The following ELMO1 variants were observed in gnomAD, a reference collection of about 807,000 sequenced individuals.
ELMO1 encodes the protein engulfment and cell motility 1.
Under a neutral mutation model 98.9 loss-of-function variants are expected in ELMO1, and 26 were observed. That is an observed-to-expected ratio of 0.26 (90% CI 0.19 to 0.36). The LOEUF is 0.36. ELMO1 is among the 10% of genes least tolerant of loss of function. The pLI, the probability that ELMO1 is intolerant of heterozygous loss-of-function variation, is 1.00. For synonymous variants in ELMO1, 346 were observed against 346.0 expected, an observed-to-expected ratio of 1.00 and a Z score of 0.00; for missense variants, 627 against 935.2, an observed-to-expected ratio of 0.67 and a Z score of 4.30.
rs181981473 is a variant in ELMO1 at position 36,913,767 on chromosome 7, A to T, written c.1438-18750T>A. Reference sequence around the variant, plus strand: ...AGTCCCTATGCTATAGTTTCTGGGTACTGCAGTTGTTTGCTGATCTACTGA... The same window carrying T: ...AGTCCCTATGCTATAGTTTCTGGGTTCTGCAGTTGTTTGCTGATCTACTGA... On this transcript the variant is annotated intron_variant, in intron 16 of 21. Transcript: ENST00000310758. Among the ~76,000 whole-genome samples the T allele has an allele frequency of 6.3e-4, 96 of 152,312 alleles. 1 individual carries two copies. The highest frequency in any genetic ancestry group is 2.3e-3 in the African/African-American group (95 of 41,568).
chr7:36,868,176 G>A lies in ELMO1; in HGVS notation c.1905+2217C>T, dbSNP rs553366667. Among the ~76,000 whole-genome samples, 12 of 152,188 alleles carry A rather than the reference G, an allele frequency of 7.9e-5. No homozygotes were observed. The East Asian group carries it at 1.5e-3, about 20-fold the overall frequency. ...TGTTCTATCAGTTTCATAACTCATG[G>A]ATTTTGATATCTTCATGTTAAGTTC... On this transcript the variant is annotated intron_variant, in intron 20 of 21. Transcript: ENST00000310758.
At chr7:37,020,577 C>T (rs779169241) in intron 15 of ELMO1, among the ~76,000 whole-genome samples, 3 of 152,274 alleles carry the variant, frequency 2.0e-5, no homozygotes, top group Middle Eastern at 3.4e-3. Flanking sequence ...ATACCATTTT[C>T]GCTCTCACAG....
intron 18 of ELMO1, among the ~76,000 whole-genome samples, chr7:36,879,874 G>C (rs1269627048): frequency 6.6e-6 from 1 of 152,230 alleles, no homozygotes; most frequent in African/African-American, 2.4e-5. Flanking sequence ...GTTATTCTCT[G>C]AGTAATTCAC....
intron 1 of ELMO1, among the ~76,000 whole-genome samples, chr7:37,444,474 G>A (rs1805529511): frequency 6.6e-6 from 1 of 152,164 alleles, no homozygotes; most frequent in Non-Finnish European, 1.5e-5. Flanking sequence ...CTCCAAGATG[G>A]CAGCATGAGG....
chr7:37,153,075 A>G (rs187925928), intron 13 of ELMO1, among the ~76,000 whole-genome samples: 3 of 152,304 alleles, frequency 2.0e-5, no homozygotes, highest in East Asian at 3.9e-4. Context: ...TTTTGATAGT[A>G]ATTATACTAA....
chr7:36,887,835 G>A (rs1805167252), intron 17 of ELMO1, among the ~76,000 whole-genome samples, 163 bp from the exon 18 acceptor site: 1 of 152,148 alleles, frequency 6.6e-6, no homozygotes, highest in Non-Finnish European at 1.5e-5. Context: ...AGAGTCAGTG[G>A]CCAGGGGCAT....
At chr7:36,933,363 T>A (rs897583636) in intron 16 of ELMO1, among the ~76,000 whole-genome samples, 3 of 152,178 alleles carry the variant, frequency 2.0e-5, no homozygotes, top group African/African-American at 7.2e-5. Context: ...AAAGTCCAGG[T>A]CATTTTCTAG....
At chr7:37,369,628 G>A (rs1236507111) in intron 1 of ELMO1, among the ~76,000 whole-genome samples, 4 of 149,464 alleles carry the variant, frequency 2.7e-5, no homozygotes, top group Non-Finnish European at 5.9e-5. Context: ...AATAACCAAC[G>A]GGTAAGAAGG....
Position 37,395,089 on chromosome 7 carries a change from G to C in ELMO1, c.-73-52326C>G, listed in dbSNP as rs117698656. On this transcript the variant is annotated intron_variant, in intron 1 of 21. Transcript: ENST00000310758. The stretch of plus-strand genomic sequence containing the variant: ...TTTAAGAGTTGCTCATCCCAGGCTG[G>C]GTGCGGTGGCTCATGCCTGTAATCC... 3.7e-3 allele frequency among the ~76,000 whole-genome samples: 558 copies of C among 152,208 alleles called. 1 individual carries two copies. Among genetic ancestry groups the C allele is most frequent in the Middle Eastern group, 0.01 (3 of 294 alleles).
At chr7:36,933,242 C>T (rs2129086037) in intron 16 of ELMO1, among the ~76,000 whole-genome samples, 1 of 152,280 alleles carries the variant, frequency 6.6e-6, no homozygotes, top group East Asian at 1.9e-4. Flanking sequence ...TAGGACTCTT[C>T]ACAATGTAGC....
chr7:37,374,892 T>C (rs748853824), intron 1 of ELMO1, among the ~76,000 whole-genome samples: 1 of 151,788 alleles, frequency 6.6e-6, no homozygotes, highest in Non-Finnish European at 1.5e-5. Context: ...AAACTACGTC[T>C]CTACTAAAAA....
chr7:37,157,528 G>C (rs1788872870), intron 13 of ELMO1, among the ~76,000 whole-genome samples: 1 of 151,720 alleles, frequency 6.6e-6, no homozygotes, highest in African/African-American at 2.4e-5. Flanking sequence ...CAAGAATAGA[G>C]AGCCAAATCA....
chr7:37,338,099 A>C (rs1316370033), intron 2 of ELMO1, among the ~76,000 whole-genome samples: 1 of 152,222 alleles, frequency 6.6e-6, no homozygotes, highest in East Asian at 1.9e-4. Flanking sequence ...CTAATTTTCT[A>C]ATCTAGCTAA....
chr7:37,167,958 C>T lies in ELMO1; in HGVS notation c.1087-34724G>A, dbSNP rs754685837. Among the ~76,000 whole-genome samples, 967 of 152,190 alleles carry T rather than the reference C, an allele frequency of 6.4e-3. 3 individuals are homozygous for T. The highest frequency in any genetic ancestry group is 9.0e-3 in the Non-Finnish European group (609 of 68,010). ...TTTTCCAACTTGGTTCCATTCTCCC[C>T]GTCACTTTCAGGTACACCAATCAGA... is the stretch of plus-strand genomic sequence containing the variant. On this transcript the variant is annotated intron_variant, in intron 13 of 21. Transcript: ENST00000310758.
chr7:37,414,000 G>A (rs1583715019), intron 1 of ELMO1, among the ~76,000 whole-genome samples: 1 of 151,946 alleles, frequency 6.6e-6, no homozygotes, highest in East Asian at 1.9e-4. Context: ...CAAGAACAGA[G>A]GGAAACTGTG....
intron 1 of ELMO1, among the ~76,000 whole-genome samples, chr7:37,375,242 G>A (rs888173800): frequency 1.8e-4 from 27 of 151,938 alleles, no homozygotes; most frequent in Admixed American, 1.7e-3. Flanking sequence ...ACTGAAAAAA[G>A]AAAAAGAAAA....
At chr7:36,927,731 T>C (rs145827286) in intron 16 of ELMO1, among the ~76,000 whole-genome samples, 10 of 152,326 alleles carry the variant, frequency 6.6e-5, no homozygotes, top group African/African-American at 2.2e-4. Flanking sequence ...GCCTTCCCTA[T>C]ACATTTAGCA....
chr7:37,184,423 T>C (rs1051994963), intron 13 of ELMO1, among the ~76,000 whole-genome samples: 21 of 152,220 alleles, frequency 1.4e-4, no homozygotes, highest in African/African-American at 5.1e-4. Context: ...CTTTGTGTTC[T>C]GGCTCCAGGC....
chr7:37,078,021 G>A (rs1797675117), intron 15 of ELMO1, among the ~76,000 whole-genome samples: 2 of 152,190 alleles, frequency 1.3e-5, no homozygotes, highest in Non-Finnish European at 1.5e-5. Context: ...AAAGAGTACA[G>A]AGAAGCAGAA....
Sources: gnomAD v4.1 joint callset for allele counts (sites outside exome capture counted in the v4.1 genomes callset) on GRCh38, gnomAD v4.1.1 for gene constraint, MANE v1.5 for transcripts, NCBI Gene and HGNC (gene_info 2026-07-23, HGNC 2026-07-21) for gene names.